FBXO42: variants seen among roughly 807,000 people sequenced by gnomAD.
The protein encoded by FBXO42 is F-box protein 42.
In FBXO42, 12 loss-of-function variants were observed where a neutral mutation model predicts 71.7. The ratio of observed to expected loss-of-function variants is 0.17; its 90% CI spans 0.11 to 0.27. The LOEUF is 0.27. Among genes scored for constraint, FBXO42 ranks in the 10% least tolerant of loss-of-function variants. The probability of loss-of-function intolerance (pLI) is 1.00; values close to 1 mark genes in which losing one functional copy is unlikely to be tolerated. For missense variants in FBXO42, 707 were observed against 911.9 expected (o/e 0.78, Z 2.89); for synonymous variants, 325 against 327.5 (o/e 0.99, Z 0.08).
chr1:16,276,034 C>T (rs2081898582), intron 4 of FBXO42, among the ~76,000 whole-genome samples: 1 of 151,990 alleles, frequency 6.6e-6, no homozygotes, highest in African/African-American at 2.4e-5. Flanking sequence ...CAATAAACGA[C>T]CCATCACAGC....
chr1:16,285,570 C>T (rs2082013354), intron 4 of FBXO42, among the ~76,000 whole-genome samples: 1 of 152,184 alleles, frequency 6.6e-6, no homozygotes, highest in South Asian at 2.1e-4. Flanking sequence ...CCATGCCCAT[C>T]CTGTCTTCCC....
intron 4 of FBXO42, among the ~76,000 whole-genome samples, chr1:16,259,180 C>T (rs980702316): frequency 6.6e-6 from 1 of 152,174 alleles, no homozygotes; most frequent in South Asian, 2.1e-4. Context: ...ACATTTACCT[C>T]CCCAAGGGGA....
rs1343710999 is a variant in FBXO42, at chr1:16,270,688, A to AAAG, written c.503-13930_503-13929insCTT. Among the ~76,000 whole-genome samples, 71 of 31,412 alleles carry AAAG rather than the reference A, an allele frequency of 2.3e-3. 11 individuals are homozygous for AAAG. The East Asian group carries it at 0.045, about 20-fold the overall frequency. The allele number at this position is 31,412 out of a possible 152,430, so 20.6% of individuals were successfully genotyped here. A position where few individuals can be genotyped will look rare whatever the true frequency, so the allele number is the denominator to read the frequency against. On this transcript the variant is annotated intron_variant, in intron 4 of 9. Transcript: ENST00000375592. Reference sequence around the variant, plus strand: ...ACTCTGTCTCTCAAAAAAAAAAAAAAAAAAAAAAGAAAAGAAAAGAAAGAA... The same window carrying AAAG: ...ACTCTGTCTCTCAAAAAAAAAAAAAAAAGAAAAAAAAGAAAAGAAAAGAAAGAA...
At chr1:16,322,151 T>C (rs1441755547) in intron 1 of FBXO42, among the ~76,000 whole-genome samples, 1 of 152,176 alleles carries the variant, frequency 6.6e-6, no homozygotes, top group Non-Finnish European at 1.5e-5. Flanking sequence ...CAAAATATTT[T>C]ATTGGTCAGA....
At chr1:16,294,694 T>G in intron 4 of FBXO42, 89 bp downstream of exon 4, 3 of 1,455,256 alleles carry the variant, frequency 2.1e-6, no homozygotes, top group Non-Finnish European at 2.8e-6. Context: ...AACCCATCCT[T>G]GAGACCAACA....
rs981002763 is a variant in FBXO42 at position 16,252,014 on chromosome 1, G to A, written c.1039-229C>T. On this transcript the variant is annotated intron_variant, in intron 9 of 9. Coordinates refer to ENST00000375592, the MANE Select transcript of FBXO42 (RefSeq NM_018994.3). The surrounding 1 kb of genome is among the most constrained non-coding windows in gnomAD (Gnocchi z 4.4). ...TAGAGATATGTATACAGAAGGGGTG[G>A]GGAGAAGGGAACAATCAATTTTTGT... Among the ~76,000 whole-genome samples the A allele has an allele frequency of 6.6e-6, 1 of 152,146 alleles. No homozygotes were observed. Among genetic ancestry groups the A allele is most frequent in the African/African-American group, 2.4e-5 (1 of 41,426 alleles).
chr1:16,293,914 T>C (rs565031614), intron 4 of FBXO42: 1 of 152,314 alleles, frequency 6.6e-6, no homozygotes, highest in South Asian at 2.1e-4. Flanking sequence ...GTCCCCTCAC[T>C]CTTAGTCCAG....
rs1247915176 is a variant in FBXO42 at position 16,250,937 on chromosome 1, T to C, written c.1887A>G (p.Leu629=). 5.0e-6 allele frequency: 8 copies of C among 1,614,166 alleles called. No individual in the cohort carries two copies. The highest frequency in any genetic ancestry group is 6.8e-6 in the Non-Finnish European group (8 of 1,180,042). ...RRLGHHPPQS[L]NVGKPLYQSM... Reference sequence around the variant, plus strand: ...TCTGGTATAGGGGTTTGCCAACATTTAGGGACTGTGGAGGGTGGTGGCCCA... The same window carrying C: ...TCTGGTATAGGGGTTTGCCAACATTCAGGGACTGTGGAGGGTGGTGGCCCA... The change falls in exon 10 of 10, where the codon CTA becomes CTG. Residue 629 remains leucine (L), a synonymous_variant. Transcript: ENST00000375592. The surrounding 1 kb of genome is among the most constrained non-coding windows in gnomAD (Gnocchi z 4.7).
chr1:16,348,714 A>C (rs1464446822), intron 1 of FBXO42, among the ~76,000 whole-genome samples: 1 of 152,200 alleles, frequency 6.6e-6, no homozygotes, highest in Non-Finnish European at 1.5e-5. Flanking sequence ...AAAATAAAAA[A>C]GAAAAAGAAA....
intron 4 of FBXO42, among the ~76,000 whole-genome samples, chr1:16,278,377 AAAAC>A (rs1325427081): frequency 2.0e-5 from 3 of 152,002 alleles, no homozygotes; most frequent in Non-Finnish European, 4.4e-5. Context: ...AACAAAAAAC[AAAAC>A]AAAAAAAACC....
intron 1 of FBXO42, among the ~76,000 whole-genome samples, chr1:16,319,178 T>C (rs1353061708): frequency 6.6e-6 from 1 of 151,752 alleles, no homozygotes; most frequent in African/African-American, 2.4e-5. Flanking sequence ...AAACGAAGAG[T>C]AATCTCGAAA....
intron 1 of FBXO42, among the ~76,000 whole-genome samples, chr1:16,322,291 T>C (rs2082415198): frequency 6.6e-6 from 1 of 150,782 alleles, no homozygotes; most frequent in Non-Finnish European, 1.5e-5. Context: ...AAAACTACTA[T>C]ACTAGGCCAG....
At chr1:16,335,288 C>T (rs1057032841) in intron 1 of FBXO42, among the ~76,000 whole-genome samples, 1 of 151,940 alleles carries the variant, frequency 6.6e-6, no homozygotes, top group Non-Finnish European at 1.5e-5. Flanking sequence ...TCCAGGTGCA[C>T]ACCATCAAGA....
At chr1:16,258,784 T>G (rs1305742462) in intron 4 of FBXO42, among the ~76,000 whole-genome samples, 1 of 152,136 alleles carries the variant, frequency 6.6e-6, no homozygotes, top group Non-Finnish European at 1.5e-5. Context: ...TCACCCAGGC[T>G]AGAGTGCAGT....
intron 1 of FBXO42, among the ~76,000 whole-genome samples, chr1:16,321,391 ACT>A (rs1336296159): frequency 6.6e-6 from 1 of 152,116 alleles, no homozygotes; most frequent in African/African-American, 2.4e-5. Flanking sequence ...GCATTTTGAA[ACT>A]CTGAGTTTTT....
chr1:16,318,273 T>C (rs997607184), intron 1 of FBXO42, among the ~76,000 whole-genome samples: 2 of 151,876 alleles, frequency 1.3e-5, no homozygotes, highest in East Asian at 1.9e-4. Context: ...CAAAAATTAG[T>C]TGGGTGTGGT....
chr1:16,305,899 G>A lies in FBXO42; in HGVS notation c.271C>T (p.His91Tyr). ...LIKGVAHQCY[H>Y]GFMKAVQEGN... is the part of the protein sequence containing the mutation. ...TCCTGGACAGCCTTCATGAAACCAT[G>A]ATAACACTGATGGGCTACACCTAAG... The change falls in exon 3 of 10, where the codon CAT becomes TAT. Residue 91 changes from histidine (H) to tyrosine (Y), a missense_variant. Transcript: ENST00000375592. 1.9e-6 allele frequency: 3 copies of A among 1,613,798 alleles called. No homozygotes were observed. The highest frequency in any genetic ancestry group is 2.5e-6 in the Non-Finnish European group (3 of 1,179,760).
chr1:16,288,957 CAAAAAA>C (rs201709602), intron 4 of FBXO42, among the ~76,000 whole-genome samples: 1 of 79,214 alleles, frequency 1.3e-5, no homozygotes, highest in East Asian at 3.8e-4. Context: ...GACTATGTCT[CAAAAAA>C]AAAAAAAAAA....
At chr1:16,346,762 T>TC (rs1193313397) in intron 1 of FBXO42, among the ~76,000 whole-genome samples, 1 of 149,550 alleles carries the variant, frequency 6.7e-6, no homozygotes, top group African/African-American at 2.5e-5. Flanking sequence ...CATTTTTTTT[T>TC]TTTTTTTTCT....
Sources: allele counts gnomAD v4.1 joint callset (sites outside exome capture counted in the v4.1 genomes callset), GRCh38; gene constraint gnomAD v4.1.1; non-coding constraint Gnocchi (gnomAD v3.1); transcripts MANE v1.5; gene names NCBI Gene and HGNC (gene_info 2026-07-23, HGNC 2026-07-21).